PLK5: variants seen among roughly 807,000 people sequenced by gnomAD.
The protein encoded by PLK5 is inactive serine/threonine-protein kinase PLK5.
A neutral mutation model predicts 33.7 loss-of-function variants in PLK5; 28 were observed. The observed-to-expected ratio is 0.83, with a 90% CI of 0.62 to 1.14. The LOEUF (loss-of-function observed/expected upper bound fraction) is 1.14. Ranked by LOEUF, PLK5 falls within the 50% of genes most tolerant of loss-of-function variation. The probability of loss-of-function intolerance (pLI) is 0.00; values close to 1 mark genes in which losing one functional copy is unlikely to be tolerated. For missense variants in PLK5, 492 were observed against 461.5 expected (o/e 1.07, Z -0.61); for synonymous variants, 225 against 202.2 (o/e 1.11, Z -0.96).
At chr19:1,534,876 G>A (rs1265813704) in intron 13 of PLK5, among the ~76,000 whole-genome samples, 189 bp from the exon 14 acceptor site, 2 of 151,940 alleles carry the variant, frequency 1.3e-5, no homozygotes, top group African/African-American at 4.8e-5. Context: ...CCCCATCTGA[G>A]CCTCAGTTTC....
chr19:1,530,088 G>A (rs893504594), intron 11 of PLK5, among the ~76,000 whole-genome samples: 30 of 152,112 alleles, frequency 2.0e-4, no homozygotes, highest in African/African-American at 6.5e-4. Flanking sequence ...GTGAGGAAAC[G>A]TGACCTGGGA....
At chr19:1,527,118 C>T in intron 6 of PLK5, 120 bp downstream of exon 6, 1 of 1,102,600 alleles carries the variant, frequency 9.1e-7, no homozygotes, top group Non-Finnish European at 1.3e-6. Flanking sequence ...GAACAGGCAC[C>T]TGTCGCCAAG....
Position 1,528,060 on chromosome 19 carries a change from G to C in PLK5, c.127G>C (p.Val43Leu), listed in dbSNP as rs530958210. ...GTCTGCCAATGCGCGCCGCCTCATC[G>C]TGCACCTCCTAGCACCCAACCCGGC... ...HLSANARRLI[V>L]HLLAPNPAER... Residue 43 changes from valine (V) to leucine (L), a missense_variant, in exon 7 of 14, where the codon GTG becomes CTG. Physicochemically the swap from Val to Leu is conservative, Grantham distance 32 (BLOSUM62 1). Coordinates refer to ENST00000454744, the MANE Select transcript of PLK5 (RefSeq NM_001243079.2). 4.6e-6 allele frequency: 7 copies of C among 1,535,910 alleles called. No homozygotes were observed. The highest frequency in any genetic ancestry group is 1.2e-5 in the South Asian group (1 of 84,064).
rs1427541738 is a variant in PLK5 at position 1,529,817 on chromosome 19, C to T, written c.561C>T (p.Gly187=). 2.0e-6 allele frequency: 3 copies of T among 1,535,354 alleles called. No homozygotes were observed. The highest frequency in any genetic ancestry group is 2.6e-6 in the Non-Finnish European group (3 of 1,146,630). ...ACCTGCAGCTGTGCCTGGATGTAGG[C>T]CCCCCGGGTAGGAGCCGGCCCAGCC... ...LRHLQLCLDV[G]PPATQDPLGE... Residue 187 remains glycine, a synonymous_variant, in exon 11 of 14, where the codon GGC becomes GGT. Coordinates refer to ENST00000454744, the MANE Select transcript of PLK5 (RefSeq NM_001243079.2).
Position 1,533,987 on chromosome 19 carries a change from C to G in PLK5, c.771C>G (p.Arg257=), listed in dbSNP as rs1253117564. 2.0e-6 allele frequency: 3 copies of G among 1,535,416 alleles called. No individual in the cohort carries two copies. In the African/African-American group the frequency reaches 4.1e-5, roughly 21 times the overall value. Residue 257 remains arginine (R), a synonymous_variant, in exon 13 of 14, where the codon CGC becomes CGG. Coordinates refer to ENST00000454744, the MANE Select transcript of PLK5 (RefSeq NM_001243079.2). ...CTGGACCCGGCCTCTGCCTCCTGCG[C>G]TTCCTGGCCTCTGAGCACGCCCTGC... ...PPAGPGLCLL[R]FLASEHALLL...
chr19:1,529,074 T>A, intron 9 of PLK5, 100 bp downstream of exon 9: 2 of 1,080,006 alleles, frequency 1.9e-6, no homozygotes, highest in Non-Finnish European at 2.6e-6. Flanking sequence ...GAACCCCTTC[T>A]GGGGTCTCCA....
At position 1,533,979 on chromosome 19, in the gene PLK5, C is replaced by T; in HGVS notation, c.763C>T (p.Leu255Phe). 1 of 1,535,300 alleles carries T rather than the reference C, an allele frequency of 6.5e-7. No individual in the cohort carries two copies. Among genetic ancestry groups the T allele is most frequent in the East Asian group, 2.4e-5 (1 of 40,894 alleles). ...PVPPAGPGLC[L>F]LRFLASEHAL... Reference sequence around the variant, plus strand: ...GCCACCTGCTGGACCCGGCCTCTGCCTCCTGCGCTTCCTGGCCTCTGAGCA... The same window carrying T: ...GCCACCTGCTGGACCCGGCCTCTGCTTCCTGCGCTTCCTGGCCTCTGAGCA... Residue 255 changes from leucine to phenylalanine, a missense_variant, in exon 13 of 14, where the codon CTC becomes TTC. Coordinates refer to ENST00000454744, the MANE Select transcript of PLK5 (RefSeq NM_001243079.2).
rs370910382 is a variant in PLK5, at chr19:1,528,984, C to T, written c.405+10C>T. The T allele has an allele frequency of 4.2e-5, 63 of 1,500,632 alleles. No homozygotes were observed. Among genetic ancestry groups the T allele is most frequent in the African/African-American group, 2.5e-4 (18 of 71,250 alleles). The allele number at this position is 1,500,632 out of a possible 1,614,324, so 93.0% of individuals were successfully genotyped here. A position where few individuals can be genotyped will look rare whatever the true frequency, so the allele number is the denominator to read the frequency against. On this transcript the variant is annotated intron_variant, in intron 9 of 13. Transcript: ENST00000454744. ...GGAGTGGGACGGCGAGGTGAGACAT[C>T]GGGGTGGGGGACACGGGGAGACACA...
In PLK5 at chr19:1,534,052, G is replaced by A. The variant is rs1188824623; in HGVS notation, c.825+11G>A. On this transcript the variant is annotated intron_variant, in intron 13 of 13. Transcript: ENST00000454744. ...AATGGGATGGTGCAGGTGAGCCCGG[G>A]GCTCAAACTCGGGGCACTGGGGCTC... is the stretch of plus-strand genomic sequence containing the variant. The A allele has an allele frequency of 2.6e-6, 4 of 1,533,694 alleles. No homozygotes were observed. Among genetic ancestry groups the A allele is most frequent in the Non-Finnish European group, 3.5e-6 (4 of 1,145,052 alleles).
Position 1,526,498 on chromosome 19 carries a change from G to A in PLK5, c.-300G>A, listed in dbSNP as rs890911140. 7 of 259,184 alleles carry A rather than the reference G, an allele frequency of 2.7e-5. No homozygotes were observed. Among genetic ancestry groups the A allele is most frequent in the African/African-American group, 7.0e-5 (3 of 42,684 alleles). The allele number at this position is 259,184 out of a possible 1,614,324, so 16.1% of individuals were successfully genotyped here. On this transcript the variant is annotated 5_prime_UTR_variant, in exon 4 of 14. In the 5' UTR this introduces an upstream ATG that the reference lacks. Coordinates refer to ENST00000454744, the MANE Select transcript of PLK5 (RefSeq NM_001243079.2). ...TGGTCACCCACAGTCTTTGGCCCAC[G>A]TGCTGAGGGCGCGGCAGATCCTGAC...
Position 1,528,129 on chromosome 19 carries a change from A to T in PLK5, c.196A>T (p.Thr66Ser). 6.7e-7 allele frequency: 1 copy of T among 1,502,430 alleles called. No homozygotes were observed. Among genetic ancestry groups the T allele is most frequent in the Non-Finnish European group, 8.8e-7 (1 of 1,132,206 alleles). The allele number at this position is 1,502,430 out of a possible 1,614,324, so 93.1% of individuals were successfully genotyped here. A position where few individuals can be genotyped will look rare whatever the true frequency, so the allele number is the denominator to read the frequency against. Residue 66 changes from threonine to serine, a missense_variant, in exon 7 of 14, where the codon ACA (threonine) becomes TCA (serine). By Grantham distance (58) the Thr-to-Ser change is moderately conservative. Coordinates refer to ENST00000454744, the MANE Select transcript of PLK5 (RefSeq NM_001243079.2). ...LDHLLQDDFF[T>S]QGFTPDRLPA... ...CCACCTGCTGCAGGACGACTTCTTC[A>T]CACAGGTGGGCGGCGGTCCTCGGCG...
rs1298048785 is a variant in PLK5 at position 1,534,718 on chromosome 19, G to GAGGC, written c.826-343_826-340dup. Among the ~76,000 whole-genome samples, 627 of 151,518 alleles carry GAGGC rather than the reference G, an allele frequency of 4.1e-3. 1 individual carries two copies. The highest frequency in any genetic ancestry group is 5.6e-3 in the Non-Finnish European group (383 of 67,928). ...TGTAGTCCCAGCTACTGGGGAGGCT[G>GAGGC]AGGCAGGAGAATGGCGTGAACCCGG... On this transcript the variant is annotated intron_variant, in intron 13 of 13. Coordinates refer to ENST00000454744, the MANE Select transcript of PLK5 (RefSeq NM_001243079.2).
At chr19:1,531,603 G>A (rs1193560161) in intron 11 of PLK5, 135 bp from the exon 12 acceptor site, 7 of 1,044,000 alleles carry the variant, frequency 6.7e-6, no homozygotes, top group East Asian at 6.2e-5. Flanking sequence ...ATCCACCACC[G>A]AAGCCCCCAA....
rs531757650 is a variant in PLK5 at position 1,535,795 on chromosome 19, A to G, written c.*545A>G. ...GAGGCTGAGATGGGAGGATGGCGTGAGCATGGGAGGTTGAGGCTGCAGTGA... is the reference window on the plus strand; with the variant it reads ...GAGGCTGAGATGGGAGGATGGCGTGGGCATGGGAGGTTGAGGCTGCAGTGA... On this transcript the variant is annotated 3_prime_UTR_variant, in exon 14 of 14. Coordinates refer to ENST00000454744, the MANE Select transcript of PLK5 (RefSeq NM_001243079.2). The G allele has an allele frequency of 1.2e-4, 19 of 159,568 alleles. No homozygotes were observed. Among genetic ancestry groups the G allele is most frequent in the African/African-American group, 4.6e-4 (19 of 41,604 alleles). 9.9% of individuals were successfully genotyped at this position (159,568 alleles called of 1,614,324 possible). A position where few individuals can be genotyped will look rare whatever the true frequency, so the allele number is the denominator to read the frequency against.
chr19:1,530,281 G>GCCTTTTCTTTT (rs1030030625), intron 11 of PLK5, among the ~76,000 whole-genome samples: 1 of 151,950 alleles, frequency 6.6e-6, no homozygotes, highest in African/African-American at 2.4e-5. Context: ...CAGCCCAGAA[G>GCCTTTTCTTTT]CCTTTTCTTT....
intron 12 of PLK5, among the ~76,000 whole-genome samples, chr19:1,532,768 C>T (rs551000359): frequency 7.2e-5 from 11 of 151,924 alleles, no homozygotes; most frequent in Admixed American, 4.6e-4. Context: ...GTGATCCACC[C>T]GCCTCAGCCT....
At position 1,535,175 on chromosome 19, in the gene PLK5, C is replaced by T. The variant is rs78481739; in HGVS notation, c.936C>T (p.Val312=). The T allele has an allele frequency of 2.1e-4, 318 of 1,530,962 alleles. 1 individual carries two copies. In the African/African-American group the frequency reaches 3.5e-3, roughly 17 times the overall value. 94.8% of individuals were successfully genotyped at this position (1,530,962 alleles called of 1,614,324 possible). The change falls in exon 14 of 14, where the codon GTC becomes GTT. Residue 312 remains valine, a synonymous_variant. Coordinates refer to ENST00000454744, the MANE Select transcript of PLK5 (RefSeq NM_001243079.2). ...GSPGTSYSLD[V]PRSHGCAPTT... ...CTGGCACCTCCTACTCCCTGGACGT[C>T]CCGCGGAGCCACGGCTGCGCCCCCA...
chr19:1,527,052 C>CGGGGGGGGGCTGGGGGGGG, intron 6 of PLK5, 54 bp downstream of exon 6: 2 of 842,666 alleles, frequency 2.4e-6, no homozygotes, highest in Non-Finnish European at 3.5e-6. Flanking sequence ...GCAGGTGTGG[C>CGGGGGGGGGCTGGGGGGGG]GGGGGGGGAG....
intron 8 of PLK5, among the ~76,000 whole-genome samples, 153 bp from the exon 9 acceptor site, chr19:1,528,745 C>T (rs917386182): frequency 6.7e-6 from 1 of 150,346 alleles, no homozygotes; most frequent in Non-Finnish European, 1.5e-5. Flanking sequence ...CACCTGCCCA[C>T]ACCTCCCGCC....
Sources: gnomAD v4.1 joint callset for allele counts (sites outside exome capture counted in the v4.1 genomes callset) on GRCh38, gnomAD v4.1.1 for gene constraint, MANE v1.5 for transcripts, NCBI Gene and HGNC (gene_info 2026-07-23, HGNC 2026-07-21) for gene names.